ARMC1: variants seen among roughly 807,000 people sequenced by gnomAD.
The protein encoded by ARMC1 is armadillo repeat containing 1, also known as armadillo repeat-containing protein 1.
In ARMC1, 16 loss-of-function variants were observed where a neutral mutation model predicts 31.4. The observed-to-expected ratio is 0.51, with a 90% CI of 0.34 to 0.77. The LOEUF (loss-of-function observed/expected upper bound fraction) is 0.77. Ranked by LOEUF, ARMC1 falls within the 30% of genes least tolerant of loss-of-function variation. The probability of loss-of-function intolerance (pLI) is 0.01; values close to 1 mark genes in which losing one functional copy is unlikely to be tolerated. For missense variants in ARMC1, 259 were observed against 347.5 expected, an observed-to-expected ratio of 0.75 and a Z score of 2.02; for synonymous variants, 114 against 118.9, an observed-to-expected ratio of 0.96 and a Z score of 0.27.
chr8:65,605,668 G>A (rs566323593), intron 4 of ARMC1, 130 bp from the exon 5 acceptor site: 2 of 678,194 alleles, frequency 2.9e-6, no homozygotes, highest in South Asian at 1.8e-5. Flanking sequence ...CTTATTTCAG[G>A]GCACAGAGTG....
intron 3 of ARMC1, among the ~76,000 whole-genome samples, chr8:65,620,341 G>A (rs1242518764): frequency 1.5e-5 from 2 of 131,452 alleles, no homozygotes; most frequent in Non-Finnish European, 1.6e-5. Flanking sequence ...TCATTCTGTC[G>A]CCCAGGCTAG....
chr8:65,621,543 C>T (rs574143591), intron 3 of ARMC1, among the ~76,000 whole-genome samples: 1 of 152,340 alleles, frequency 6.6e-6, no homozygotes, highest in Admixed American at 6.5e-5. Context: ...CAGTCTCGCT[C>T]TGTTGCCCAG....
chr8:65,604,256 G>A lies in ARMC1; in HGVS notation c.*138C>T, dbSNP rs1392186032. The A allele has an allele frequency of 1.4e-6, 1 of 724,950 alleles. No homozygotes were observed. Among genetic ancestry groups the A allele is most frequent in the South Asian group, 2.2e-5 (1 of 45,238 alleles). The allele number at this position is 724,950 out of a possible 1,614,324, so 44.9% of individuals were successfully genotyped here. The stretch of plus-strand genomic sequence containing the variant: ...AGTGGGGTAAAATGTCCAATAAAAC[G>A]TGAAATGCAGCATATGCGATCGTGT... On this transcript the variant is annotated 3_prime_UTR_variant, in exon 7 of 7. Coordinates refer to ENST00000276569, the MANE Select transcript of ARMC1 (RefSeq NM_018120.6).
In ARMC1 at chr8:65,634,105, G is replaced by C. The variant is rs1052761424; in HGVS notation, c.-143C>G. On this transcript the variant is annotated 5_prime_UTR_variant, in exon 1 of 7. Transcript: ENST00000276569. Reference sequence around the variant, plus strand: ...AGCGAGCCCTTCGGTTCGCAGCCCCGGCCGCGGCGATCGCAAGCAACCGGA... The same window carrying C: ...AGCGAGCCCTTCGGTTCGCAGCCCCCGCCGCGGCGATCGCAAGCAACCGGA... 2.0e-5 allele frequency: 3 copies of C among 152,390 alleles called. No homozygotes were observed. The highest frequency in any genetic ancestry group is 7.2e-5 in the African/African-American group (3 of 41,470). 9.4% of individuals were successfully genotyped at this position (152,390 alleles called of 1,614,324 possible).
At chr8:65,606,499 T>C (rs757363111) in intron 4 of ARMC1, among the ~76,000 whole-genome samples, 2 of 152,224 alleles carry the variant, frequency 1.3e-5, no homozygotes, top group Non-Finnish European at 2.9e-5. Flanking sequence ...TTAAATCACC[T>C]GGTATTACAA....
intron 3 of ARMC1, among the ~76,000 whole-genome samples, chr8:65,615,252 T>A (rs1808224371): frequency 6.6e-6 from 1 of 152,154 alleles, no homozygotes; most frequent in Non-Finnish European, 1.5e-5. Context: ...AGGACTAATT[T>A]GTATTAGTTG....
intron 6 of ARMC1, 61 bp from the exon 7 acceptor site, chr8:65,604,646 G>C: frequency 6.8e-7 from 1 of 1,463,190 alleles, no homozygotes; most frequent in Non-Finnish European, 9.4e-7. Context: ...TCTAATTACC[G>C]TGGTTATTCT....
chr8:65,602,907 C>T lies in ARMC1; in HGVS notation c.*1487G>A, dbSNP rs895814504. ...AAAAAAATATCATCCTCAATGCCCCCCATTAACTCTCTCTCCAGAAGGTGA... is the reference window on the plus strand; with the variant it reads ...AAAAAAATATCATCCTCAATGCCCCTCATTAACTCTCTCTCCAGAAGGTGA... On this transcript the variant is annotated 3_prime_UTR_variant, in exon 7 of 7. Transcript: ENST00000276569. 3.3e-5 allele frequency: 5 copies of T among 151,732 alleles called. No homozygotes were observed. The highest frequency in any genetic ancestry group is 1.2e-4 in the African/African-American group (5 of 41,294). The allele number at this position is 151,732 out of a possible 1,614,324, so 9.4% of individuals were successfully genotyped here.
chr8:65,623,033 G>A (rs1041151123), intron 2 of ARMC1, among the ~76,000 whole-genome samples: 1 of 151,128 alleles, frequency 6.6e-6, no homozygotes, highest in African/African-American at 2.4e-5. Flanking sequence ...AAAAAGGCTG[G>A]GCGCAGTGGC....
chr8:65,615,895 CA>C (rs397944839), intron 3 of ARMC1, among the ~76,000 whole-genome samples: 16 of 140,508 alleles, frequency 1.1e-4, no homozygotes, highest in Non-Finnish European at 1.2e-4. Flanking sequence ...GACTCCGTCA[CA>C]AAAAAAAAAG....
intron 2 of ARMC1, among the ~76,000 whole-genome samples, chr8:65,624,101 A>G (rs1312939588): frequency 6.6e-6 from 1 of 151,592 alleles, no homozygotes; most frequent in East Asian, 1.9e-4. Context: ...CCCAGCCAAG[A>G]CCCTGTTTCA....
intron 4 of ARMC1, among the ~76,000 whole-genome samples, chr8:65,609,974 G>C (rs1430460735): frequency 2.0e-5 from 3 of 151,950 alleles, no homozygotes; most frequent in African/African-American, 7.3e-5. Flanking sequence ...CCCTAAATAT[G>C]TAAAGTTATA....
chr8:65,612,967 T>C (rs190384675), intron 4 of ARMC1, among the ~76,000 whole-genome samples: 1 of 152,360 alleles, frequency 6.6e-6, no homozygotes, highest in East Asian at 1.9e-4. Context: ...GTATGCTTCC[T>C]GTATTGAGAG....
intron 1 of ARMC1, among the ~76,000 whole-genome samples, 196 bp from the exon 2 acceptor site, chr8:65,627,629 A>C (rs952172690): frequency 4.6e-5 from 7 of 152,240 alleles, no homozygotes; most frequent in African/African-American, 1.7e-4. Context: ...TTGTGTGCAC[A>C]ATGTTTAAAG....
At chr8:65,615,209 G>A (rs923061874) in intron 3 of ARMC1, among the ~76,000 whole-genome samples, 1 of 152,060 alleles carries the variant, frequency 6.6e-6, no homozygotes, top group Non-Finnish European at 1.5e-5. Flanking sequence ...TACTTTGGGT[G>A]ACTTTAGCCG....
chr8:65,606,397 T>C (rs1218129846), intron 4 of ARMC1, among the ~76,000 whole-genome samples: 1 of 151,560 alleles, frequency 6.6e-6, no homozygotes. Flanking sequence ...AAAAGTTTTA[T>C]GATCCACACA....
intron 3 of ARMC1, among the ~76,000 whole-genome samples, chr8:65,617,485 A>C (rs1187392654): frequency 1.3e-5 from 2 of 152,102 alleles, no homozygotes; most frequent in Non-Finnish European, 2.9e-5. Context: ...AACACTGCGG[A>C]AGGCCGCAGG....
rs1279195785 is a variant in ARMC1, at chr8:65,622,298, C to T, written c.240G>A (p.Leu80=). The T allele has an allele frequency of 6.2e-7, 1 of 1,614,090 alleles. No individual in the cohort carries two copies. The highest frequency in any genetic ancestry group is 2.2e-5 in the East Asian group (1 of 44,872). The part of the protein sequence containing the change: ...RANREKMKGE[L]GMMLSLQNVI... ...CATTTTGTAAGCTCAACATCATACC[C>T]AGTTCTCCTTTCATCTTTTCTCTGT... The change falls in exon 3 of 7, where the codon CTG becomes CTA. Residue 80 remains leucine (L), a synonymous_variant. Coordinates refer to ENST00000276569, the MANE Select transcript of ARMC1 (RefSeq NM_018120.6).
chr8:65,615,185 C>T (rs1808223242), intron 3 of ARMC1, among the ~76,000 whole-genome samples: 3 of 152,062 alleles, frequency 2.0e-5, no homozygotes, highest in Admixed American at 1.3e-4. Flanking sequence ...CCACTGTTGA[C>T]CACAGAGATA....
Sources: gnomAD v4.1 joint callset for allele counts (sites outside exome capture counted in the v4.1 genomes callset) on GRCh38, gnomAD v4.1.1 for gene constraint, MANE v1.5 for transcripts, NCBI Gene and HGNC (gene_info 2026-07-23, HGNC 2026-07-21) for gene names.